RYR2: variants seen among roughly 807,000 people sequenced by gnomAD.
The protein encoded by RYR2 is cardiac muscle ryanodine receptor-calcium release channel.
In RYR2, 227 loss-of-function variants were observed where a neutral mutation model predicts 601.1. The observed-to-expected ratio is 0.38, with a 90% CI of 0.34 to 0.42. RYR2 has a LOEUF of 0.42. Ranked by LOEUF, RYR2 falls within the 10% of genes least tolerant of loss-of-function variation. The pLI is 1.00. For missense variants in RYR2, 4,646 were observed against 6,156.5 expected, an observed-to-expected ratio of 0.75 and a Z score of 8.21; for synonymous variants, 2,223 against 2,175.1, an observed-to-expected ratio of 1.02 and a Z score of -0.61.
intron 3 of RYR2, among the ~76,000 whole-genome samples, chr1:237,334,073 A>G (rs1408128787): frequency 6.6e-6 from 1 of 152,206 alleles, no homozygotes; most frequent in Non-Finnish European, 1.5e-5. Context: ...GCACATAGCA[A>G]TACAAACACA....
Position 237,607,142 on chromosome 1 carries a change from T to C in RYR2, c.4684-3620T>C, listed in dbSNP as rs1418370891. ...ATGCACACGTATGTTTATTGTGGCA[T>C]TATTTACAATATCAAAGACTTGGAA... is the stretch of plus-strand genomic sequence containing the variant. On this transcript the variant is annotated intron_variant, in intron 35 of 104. Transcript: ENST00000366574. Among the ~76,000 whole-genome samples the C allele has an allele frequency of 2.0e-5, 3 of 152,184 alleles. 1 individual carries two copies. Among genetic ancestry groups the C allele is most frequent in the African/African-American group, 4.8e-5 (2 of 41,448 alleles).
intron 39 of RYR2, among the ~76,000 whole-genome samples, chr1:237,624,888 TAAA>T (rs952281936): frequency 7.9e-5 from 12 of 152,072 alleles, no homozygotes; most frequent in Non-Finnish European, 1.6e-4. Context: ...ATGAAGATAA[TAAA>T]AACACCACTT....
chr1:237,694,310 A>AG (rs1687224138), intron 63 of RYR2, among the ~76,000 whole-genome samples: 1 of 151,488 alleles, frequency 6.6e-6, no homozygotes, highest in Non-Finnish European at 1.5e-5. Context: ...AAAAAAAAAA[A>AG]GAAAAATTAC....
chr1:237,805,806 T>TC (rs937925575), intron 98 of RYR2, among the ~76,000 whole-genome samples: 2 of 152,024 alleles, frequency 1.3e-5, no homozygotes, highest in African/African-American at 4.8e-5. Flanking sequence ...ACATTTAATA[T>TC]CCCCCTTCTA....
At chr1:237,312,065 G>A (rs933975575) in intron 2 of RYR2, among the ~76,000 whole-genome samples, 1 of 152,176 alleles carries the variant, frequency 6.6e-6, no homozygotes, top group African/African-American at 2.4e-5. Flanking sequence ...ATCTTGAAGA[G>A]CTACTTTTTA....
At chr1:237,620,591 A>C (rs192622266) in intron 38 of RYR2, among the ~76,000 whole-genome samples, 1 of 152,128 alleles carries the variant, frequency 6.6e-6, no homozygotes, top group African/African-American at 2.4e-5. Context: ...ATACAGATTA[A>C]AAGGGAAAAG....
At chr1:237,370,228 C>T (rs1201191198) in intron 6 of RYR2, among the ~76,000 whole-genome samples, 2 of 151,930 alleles carry the variant, frequency 1.3e-5, no homozygotes, top group African/African-American at 4.8e-5. Flanking sequence ...GACCCTTGAA[C>T]AACACAGGAG....
intron 84 of RYR2, 88 bp from the exon 85 acceptor site, chr1:237,770,719 A>G: frequency 1.2e-6 from 1 of 801,282 alleles, no homozygotes; most frequent in Non-Finnish European, 2.1e-6. Context: ...ATGCTAGATC[A>G]ACATGCAAGT....
At chr1:237,375,317 A>G (rs1302358114) in intron 7 of RYR2, among the ~76,000 whole-genome samples, 1 of 152,236 alleles carries the variant, frequency 6.6e-6, no homozygotes, top group Non-Finnish European at 1.5e-5. Flanking sequence ...GAGAATCAAA[A>G]TAGGAGAACA....
At chr1:237,282,201 T>G (rs2149386336) in intron 2 of RYR2, among the ~76,000 whole-genome samples, 1 of 151,838 alleles carries the variant, frequency 6.6e-6, no homozygotes, top group East Asian at 1.9e-4. Context: ...TTTTTTTTTT[T>G]CTGTATAGAG....
chr1:237,569,458 G>T, intron 29 of RYR2, 139 bp downstream of exon 29: 1 of 729,142 alleles, frequency 1.4e-6, no homozygotes, highest in Non-Finnish European at 2.3e-6. Context: ...GGTGCCTTGT[G>T]ACTGACTTGA....
At chr1:237,215,161 A>C (rs1213464178) in intron 1 of RYR2, among the ~76,000 whole-genome samples, 1 of 152,192 alleles carries the variant, frequency 6.6e-6, no homozygotes, top group East Asian at 1.9e-4. Context: ...GCAACCTTGA[A>C]ATTTGTTTTT....
Position 237,689,110 on chromosome 1 carries a change from A to T in RYR2, c.9067+1606A>T, listed in dbSNP as rs544605809. 2.6e-5 allele frequency among the ~76,000 whole-genome samples: 4 copies of T among 152,222 alleles called. No homozygotes were observed. The East Asian group carries it at 7.7e-4, about 29-fold the overall frequency. On this transcript the variant is annotated intron_variant, in intron 63 of 104. Transcript: ENST00000366574. Reference sequence around the variant, plus strand: ...AGACCTTGGCTCTACAAAAAATAAAAATAAAAAATTAGCCAGGTGCAGTGG... The same window carrying T: ...AGACCTTGGCTCTACAAAAAATAAATATAAAAAATTAGCCAGGTGCAGTGG...
At chr1:237,114,796 CCT>C (rs1266242099) in intron 1 of RYR2, among the ~76,000 whole-genome samples, 3 of 152,348 alleles carry the variant, frequency 2.0e-5, no homozygotes, top group Non-Finnish European at 2.9e-5. Flanking sequence ...AGTTACTCAA[CCT>C]CTCTGATCCT....
rs796847859 is a variant in RYR2 at position 237,515,765 on chromosome 1, C to T, written c.2822+3974C>T. Among the ~76,000 whole-genome samples the T allele has an allele frequency of 7.4e-3, 598 of 80,926 alleles. 11 individuals carry two copies. Among genetic ancestry groups the T allele is most frequent in the African/African-American group, 0.024 (518 of 21,452 alleles). 53.1% of individuals were successfully genotyped at this position (80,926 alleles called of 152,430 possible). On this transcript the variant is annotated intron_variant, in intron 24 of 104. Coordinates refer to ENST00000366574, the MANE Select transcript of RYR2 (RefSeq NM_001035.3). ...CCCTTCTTCCTCTTCTTCTCCTCCT[C>T]CTTCCTCTTCTCCTTCCCCTACTTC...
intron 42 of RYR2, 39 bp downstream of exon 42, chr1:237,631,580 C>A: frequency 1.2e-6 from 1 of 840,100 alleles, no homozygotes; most frequent in Non-Finnish European, 1.9e-6. Context: ...TTAGTATCAT[C>A]TCCTGGAGTA....
At chr1:237,273,516 A>G (rs539787425) in intron 2 of RYR2, among the ~76,000 whole-genome samples, 21 of 151,160 alleles carry the variant, frequency 1.4e-4, no homozygotes, top group Non-Finnish European at 2.4e-4. Context: ...TTCAAGACAC[A>G]TTTCCCCAAG....
chr1:237,341,719 A>G, intron 3 of RYR2: 1 of 490,426 alleles, frequency 2.0e-6, no homozygotes, highest in Non-Finnish European at 4.1e-6. Flanking sequence ...GCTGAAAAGT[A>G]CCAAAAATTC....
At chr1:237,639,280 T>C (rs1681203817) in intron 46 of RYR2, 79 bp downstream of exon 46, 2 of 1,284,022 alleles carry the variant, frequency 1.6e-6, no homozygotes, top group African/African-American at 1.5e-5. Context: ...CTGCATCCTA[T>C]GAATTGTAAT....
Sources: gnomAD v4.1 joint callset for allele counts (sites outside exome capture counted in the v4.1 genomes callset) on GRCh38, gnomAD v4.1.1 for gene constraint, MANE v1.5 for transcripts, NCBI Gene and HGNC (gene_info 2026-07-23, HGNC 2026-07-21) for gene names.